The following LRRC37A2 variants were observed in gnomAD, a reference collection of about 807,000 sequenced individuals.
LRRC37A2 encodes the protein leucine rich repeat containing 37 member A2.
A neutral mutation model predicts 68.8 loss-of-function variants in LRRC37A2; 9 were observed. That is an observed-to-expected ratio of 0.13 (90% confidence interval 0.08 to 0.23). The LOEUF is 0.23. Ranked by LOEUF, LRRC37A2 falls within the 10% of genes least tolerant of loss-of-function variation. The pLI, the probability that LRRC37A2 is intolerant of heterozygous loss-of-function variation, is 1.00. For missense variants in LRRC37A2, 168 were observed against 950.4 expected (o/e 0.18, Z 10.82); for synonymous variants, 63 against 367.6 (o/e 0.17, Z 9.48).
the LRRC37A2 span, among the ~76,000 whole-genome samples, chr17:46,918,916 C>G: frequency 6.6e-6 from 1 of 152,176 alleles, no homozygotes; most frequent in Admixed American, 6.5e-5. Context: ...CCCCACTGGC[C>G]TTATCTTCCA....
At chr17:46,780,563 A>C in the LRRC37A2 span, among the ~76,000 whole-genome samples, 127,920 of 152,208 alleles carry the variant, frequency 0.84, 54,066 homozygotes, top group East Asian at 1. Flanking sequence ...CCGAGGCGGG[A>C]GGATCACGAG....
chr17:46,905,491 C>T, the LRRC37A2 span, among the ~76,000 whole-genome samples: 173 of 152,350 alleles, frequency 1.1e-3, 2 homozygotes, highest in African/African-American at 3.5e-3. Context: ...TTTGTTTCAT[C>T]CTTCAGCTGA....
the LRRC37A2 span, among the ~76,000 whole-genome samples, chr17:46,881,717 C>G: frequency 3.3e-5 from 5 of 152,188 alleles, no homozygotes; most frequent in East Asian, 7.7e-4. Flanking sequence ...GAGACAGTCA[C>G]TAGGTGGGTA....
chr17:46,984,985 G>C, the LRRC37A2 span, among the ~76,000 whole-genome samples: 1 of 152,116 alleles, frequency 6.6e-6, no homozygotes, highest in Non-Finnish European at 1.5e-5. Flanking sequence ...CCTAGGACCC[G>C]GTTTACACTC....
chr17:46,900,192 T>TATATATATACATAC, the LRRC37A2 span, among the ~76,000 whole-genome samples: 1 of 97,484 alleles, frequency 1.0e-5, no homozygotes, highest in African/African-American at 5.2e-5. Context: ...TATATATATA[T>TATATATATACATAC]ATATATATAT....
At chr17:46,872,161 C>G in the LRRC37A2 span, among the ~76,000 whole-genome samples, 1 of 152,162 alleles carries the variant, frequency 6.6e-6, no homozygotes, top group Non-Finnish European at 1.5e-5. Context: ...TGTACAGATT[C>G]CCAGGCCCAA....
chr17:46,936,491 G>T, the LRRC37A2 span: 1 of 985,446 alleles, frequency 1.0e-6, no homozygotes, highest in Non-Finnish European at 1.2e-6. Flanking sequence ...TGGCTACCTG[G>T]TGTTTGTCTC....
At chr17:46,893,151 C>G in the LRRC37A2 span, among the ~76,000 whole-genome samples, 1 of 152,124 alleles carries the variant, frequency 6.6e-6, no homozygotes, top group East Asian at 1.9e-4. Context: ...CGGGACTGGT[C>G]TCAAACTTCT....
chr17:46,818,626 C>T, the LRRC37A2 span: 1,021 of 1,572,104 alleles, frequency 6.5e-4, 10 homozygotes, highest in Middle Eastern at 4.3e-3. Flanking sequence ...GGAAGTTTGC[C>T]CGCGACCATG....
At chr17:46,876,174 G>T in the LRRC37A2 span, 2 of 1,424,674 alleles carry the variant, frequency 1.4e-6, no homozygotes, top group South Asian at 2.8e-5. Flanking sequence ...GCTGGGGTTG[G>T]TGCTCTGGGG....
At chr17:46,958,713 G>A in the LRRC37A2 span, among the ~76,000 whole-genome samples, 1 of 152,228 alleles carries the variant, frequency 6.6e-6, no homozygotes, top group African/African-American at 2.4e-5. Context: ...TCCTCACAGG[G>A]GCACAGTGAG....
At chr17:47,027,769 G>C in the LRRC37A2 span, 1,963 of 537,392 alleles carry the variant, frequency 3.7e-3, 83 homozygotes, top group East Asian at 0.059. Flanking sequence ...TTTGTCTCTA[G>C]CAAGGATTAT....
At chr17:46,995,873 A>G in the LRRC37A2 span, among the ~76,000 whole-genome samples, 2 of 152,166 alleles carry the variant, frequency 1.3e-5, no homozygotes, top group Non-Finnish European at 2.9e-5. Context: ...TCACCTGCCC[A>G]GTGTAAGGAG....
chr17:46,771,592 G>A, the LRRC37A2 span, among the ~76,000 whole-genome samples: 1 of 147,648 alleles, frequency 6.8e-6, no homozygotes, highest in Non-Finnish European at 1.5e-5. Context: ...CGCTCAATCC[G>A]CCTTTGTTCG....
the LRRC37A2 span, chr17:46,755,191 C>A: frequency 1.4e-6 from 1 of 705,686 alleles, no homozygotes; most frequent in South Asian, 1.6e-5. Flanking sequence ...GAGCAGGTAA[C>A]ACATTCAGTG....
At chr17:46,721,002 TC>T in the LRRC37A2 span, among the ~76,000 whole-genome samples, 1 of 152,174 alleles carries the variant, frequency 6.6e-6, no homozygotes, top group Non-Finnish European at 1.5e-5. Flanking sequence ...CACAGGTGGC[TC>T]CCCAGTTGTC....
chr17:46,876,385 G>A, the LRRC37A2 span: 3 of 1,613,948 alleles, frequency 1.9e-6, no homozygotes, highest in Non-Finnish European at 2.5e-6. Context: ...CGGCTGTCAA[G>A]GTGTCCAGTG....
At chr17:46,931,326 A>G in the LRRC37A2 span, 4 of 707,838 alleles carry the variant, frequency 5.7e-6, no homozygotes, top group Non-Finnish European at 7.8e-6. Context: ...AACTATGACT[A>G]TGCAAAGAAA....
the LRRC37A2 span, among the ~76,000 whole-genome samples, chr17:46,802,360 G>C: frequency 6.6e-6 from 1 of 152,174 alleles, no homozygotes; most frequent in East Asian, 1.9e-4. Context: ...CCGCCTCCTG[G>C]GTTCAAGCGA....
Sources: gnomAD v4.1 joint callset for allele counts (sites outside exome capture counted in the v4.1 genomes callset) on GRCh38, gnomAD v4.1.1 for gene constraint, MANE v1.5 for transcripts, NCBI Gene and HGNC (gene_info 2026-07-23, HGNC 2026-07-21) for gene names.